PID1: variants seen among roughly 807,000 people sequenced by gnomAD.
PID1 encodes the protein PTB-containing, cubilin and LRP1-interacting protein.
PID1 carries 10 observed loss-of-function variants against 19.1 expected under a neutral mutation model. That is an observed-to-expected ratio of 0.52 (90% CI 0.32 to 0.89). The LOEUF (loss-of-function observed/expected upper bound fraction) is 0.89. PID1 is among the 40% of genes least tolerant of loss of function. The probability of loss-of-function intolerance (pLI) is 0.03; values close to 1 mark genes in which losing one functional copy is unlikely to be tolerated. For synonymous variants in PID1, 130 were observed against 116.0 expected (o/e 1.12, Z -0.78); for missense variants, 248 against 285.3 (o/e 0.87, Z 0.94).
intron 1 of PID1, among the ~76,000 whole-genome samples, chr2:229,219,201 A>G (rs1691912066): frequency 6.6e-6 from 1 of 152,010 alleles, no homozygotes; most frequent in South Asian, 2.1e-4. Flanking sequence ...CCATTCTCAC[A>G]CTGCTAATAA....
intron 1 of PID1, among the ~76,000 whole-genome samples, chr2:229,225,122 G>C (rs1313461459): frequency 6.6e-6 from 1 of 152,114 alleles, no homozygotes. Flanking sequence ...AAAGGTAAGA[G>C]CTTGGACTGG....
Position 229,271,206 on chromosome 2 carries a change from G to C in PID1, c.-163C>G. On this transcript the variant is annotated 5_prime_UTR_variant, in exon 1 of 3. Transcript: ENST00000392055. ...GGTGGGCGTAGGGGGCTGCGAGCAG[G>C]AGGAGGCGCGGCGCTCAGCTGCCGG... 3.1e-6 allele frequency: 2 copies of C among 649,248 alleles called. No homozygotes were observed. The highest frequency in any genetic ancestry group is 3.8e-5 in the Admixed American group (1 of 26,146). 40.2% of individuals were successfully genotyped at this position (649,248 alleles called of 1,614,324 possible).
chr2:229,262,270 A>G (rs1348582843), intron 1 of PID1, among the ~76,000 whole-genome samples: 1 of 152,164 alleles, frequency 6.6e-6, no homozygotes, highest in Non-Finnish European at 1.5e-5. Context: ...CATAAGTTTC[A>G]TCTCCAAAGC....
chr2:229,257,082 C>G (rs1355920496), intron 1 of PID1, among the ~76,000 whole-genome samples: 1 of 152,280 alleles, frequency 6.6e-6, no homozygotes, highest in Non-Finnish European at 1.5e-5. Context: ...CCAAACTGCT[C>G]ACCCCTGTGG....
chr2:229,085,412 C>T (rs987649332), intron 2 of PID1, among the ~76,000 whole-genome samples: 1 of 152,056 alleles, frequency 6.6e-6, no homozygotes, highest in Non-Finnish European at 1.5e-5. Context: ...ATTTCATTTA[C>T]CTTTGCATTT....
At chr2:229,215,644 G>A (rs923327075) in intron 1 of PID1, among the ~76,000 whole-genome samples, 5 of 152,200 alleles carry the variant, frequency 3.3e-5, no homozygotes, top group African/African-American at 1.2e-4. Flanking sequence ...AAAAGGGTAT[G>A]TATAGACAGG....
At chr2:229,168,294 A>G (rs62190426) in intron 1 of PID1, among the ~76,000 whole-genome samples, 15,490 of 152,006 alleles carry the variant, frequency 0.1, 1,032 homozygotes, top group South Asian at 0.25. Context: ...TTTCAATTAC[A>G]TATATTTTAG....
intron 1 of PID1, among the ~76,000 whole-genome samples, chr2:229,209,533 A>C (rs1454600147): frequency 1.3e-5 from 2 of 152,214 alleles, no homozygotes; most frequent in Non-Finnish European, 2.9e-5. Flanking sequence ...GTGGGGAAGA[A>C]GCCTGGATCC....
intron 2 of PID1, among the ~76,000 whole-genome samples, chr2:229,141,145 T>G (rs1443250736): frequency 6.6e-6 from 1 of 152,130 alleles, no homozygotes; most frequent in South Asian, 2.1e-4. Flanking sequence ...TAGGGTTCTG[T>G]TGGCATAGTA....
intron 1 of PID1, among the ~76,000 whole-genome samples, chr2:229,258,547 T>C (rs1271719959): frequency 6.6e-6 from 1 of 152,192 alleles, no homozygotes; most frequent in Non-Finnish European, 1.5e-5. Context: ...GGATTTCACA[T>C]ACACATTTTT....
intron 1 of PID1, among the ~76,000 whole-genome samples, chr2:229,206,829 C>T (rs1691619408): frequency 6.6e-6 from 1 of 152,190 alleles, no homozygotes; most frequent in Non-Finnish European, 1.5e-5. Context: ...TGTCTTCCAA[C>T]AGCTGTTGGG....
chr2:229,244,592 C>T (rs571077378), intron 1 of PID1, among the ~76,000 whole-genome samples: 1 of 152,026 alleles, frequency 6.6e-6, no homozygotes, highest in Non-Finnish European at 1.5e-5. Context: ...ATTAGGTAAC[C>T]TCTCATAAGA....
At chr2:229,059,140 C>A (rs772364201) in intron 2 of PID1, among the ~76,000 whole-genome samples, 2 of 151,998 alleles carry the variant, frequency 1.3e-5, no homozygotes, top group African/African-American at 4.8e-5. Context: ...TACAAAAAAA[C>A]GAAATGGATG....
At position 229,098,970 on chromosome 2, in the gene PID1, G is replaced by A. The variant is rs180671675; in HGVS notation, c.177+56848C>T. Among the ~76,000 whole-genome samples, 42 of 152,300 alleles carry A rather than the reference G, an allele frequency of 2.8e-4. 1 individual carries two copies. Among genetic ancestry groups the A allele is most frequent in the Middle Eastern group, 3.4e-3 (1 of 294 alleles). On this transcript the variant is annotated intron_variant, in intron 2 of 2. Transcript: ENST00000392055. ...GCTTCTCTAATACTAAAGAGACGGT[G>A]AAGATTTTCTCTTCCTTTTGCCAGA... is the stretch of plus-strand genomic sequence containing the variant.
intron 1 of PID1, among the ~76,000 whole-genome samples, chr2:229,175,161 T>C (rs1690795315): frequency 6.6e-6 from 1 of 152,212 alleles, no homozygotes; most frequent in East Asian, 1.9e-4. Flanking sequence ...AAAAAAGTTC[T>C]TGTTTTTTTG....
chr2:229,037,431 TAG>T (rs1693686756), intron 2 of PID1, among the ~76,000 whole-genome samples: 1 of 152,178 alleles, frequency 6.6e-6, no homozygotes, highest in Non-Finnish European at 1.5e-5. Context: ...CCACTTGTAT[TAG>T]AACTTAGTTC....
chr2:229,037,149 G>C (rs1384153009), intron 2 of PID1, among the ~76,000 whole-genome samples: 1 of 151,986 alleles, frequency 6.6e-6, no homozygotes, highest in Non-Finnish European at 1.5e-5. Flanking sequence ...AAAATATTGA[G>C]AAAATTTAAA....
At chr2:229,048,839 T>C (rs796191831) in intron 2 of PID1, among the ~76,000 whole-genome samples, 2 of 152,090 alleles carry the variant, frequency 1.3e-5, no homozygotes, top group African/African-American at 2.4e-5. Flanking sequence ...GTATTTTGGG[T>C]GTTACGCAAA....
chr2:229,150,437 G>A (rs749523035), intron 2 of PID1, among the ~76,000 whole-genome samples: 2 of 152,002 alleles, frequency 1.3e-5, no homozygotes, highest in Non-Finnish European at 2.9e-5. Flanking sequence ...GAAAGACAGC[G>A]ATGTACTCTC....
Sources: allele counts gnomAD v4.1 joint callset (sites outside exome capture counted in the v4.1 genomes callset), GRCh38; gene constraint gnomAD v4.1.1; transcripts MANE v1.5; gene names NCBI Gene and HGNC (gene_info 2026-07-23, HGNC 2026-07-21).